Variants in NSD1 observed in about 807,000 individuals in gnomAD.
The protein encoded by NSD1 is histone-lysine N-methyltransferase, H3 lysine-36 specific.
A neutral mutation model predicts 242.7 loss-of-function variants in NSD1; 26 were observed. That is an observed-to-expected ratio of 0.11 (90% CI 0.08 to 0.15). The LOEUF is 0.15. Ranked by LOEUF, NSD1 falls within the 10% of genes least tolerant of loss-of-function variation. The pLI is 1.00. For missense variants in NSD1, 2,495 were observed against 3,272.8 expected (o/e 0.76, Z 5.80); for synonymous variants, 1,106 against 1,178.1 (o/e 0.94, Z 1.25).
Position 177,184,715 on chromosome 5 carries a change from G to A in NSD1, c.928-7169G>A, listed in dbSNP as rs116497379. On this transcript the variant is annotated intron_variant, in intron 2 of 22. Coordinates refer to ENST00000439151, the MANE Select transcript of NSD1 (RefSeq NM_022455.5). ...GCCTGGTGTGGGTGTGTGTGGGTGT[G>A]TGTGTGCACGCAAGGATGGGATCTC... Among the ~76,000 whole-genome samples, 641 of 152,194 alleles carry A rather than the reference G, an allele frequency of 4.2e-3. 3 individuals carry two copies. The highest frequency in any genetic ancestry group is 0.014 in the African/African-American group (585 of 41,508).
intron 17 of NSD1, among the ~76,000 whole-genome samples, chr5:177,274,075 AC>A (rs1758158460): frequency 6.6e-6 from 1 of 151,716 alleles, no homozygotes; most frequent in Non-Finnish European, 1.5e-5. Context: ...AATTGCTTGA[AC>A]CCGGGAGGCA....
chr5:177,285,294 T>C (rs1270189468), intron 20 of NSD1, among the ~76,000 whole-genome samples: 7 of 152,152 alleles, frequency 4.6e-5, no homozygotes, highest in Admixed American at 4.6e-4. Flanking sequence ...CTGGGCGCGA[T>C]GGTTCACGCC....
At chr5:177,163,659 A>T (rs1009096670) in intron 2 of NSD1, among the ~76,000 whole-genome samples, 1 of 152,158 alleles carries the variant, frequency 6.6e-6, no homozygotes, top group African/African-American at 2.4e-5. Flanking sequence ...TAATTCTCTT[A>T]GTTAATATAT....
chr5:177,270,474 A>G (rs1179255980), intron 16 of NSD1, among the ~76,000 whole-genome samples: 6 of 152,188 alleles, frequency 3.9e-5, no homozygotes, highest in Admixed American at 3.9e-4. Flanking sequence ...CTTAGTGGTA[A>G]TTACCTTCTT....
rs755534784 is a variant in NSD1 at position 177,178,994 on chromosome 5, GTT to G, written c.928-12889_928-12888del. On this transcript the variant is annotated intron_variant, in intron 2 of 22. Transcript: ENST00000439151. ...CCCAAGAGATGTTTCTTTGAGCTGA[GTT>G]ATGAAGTATAAGTAGCTATTAGCCA... Among the ~76,000 whole-genome samples the G allele has an allele frequency of 2.6e-5, 4 of 152,258 alleles. No individual in the cohort carries two copies. In the East Asian group the frequency reaches 7.7e-4, roughly 29 times the overall value.
chr5:177,228,569 C>T (rs1764814231), intron 5 of NSD1, among the ~76,000 whole-genome samples: 1 of 150,570 alleles, frequency 6.6e-6, no homozygotes, highest in African/African-American at 2.4e-5. Context: ...GGGTTTTTGC[C>T]TTTTTTTTTG....
intron 2 of NSD1, among the ~76,000 whole-genome samples, chr5:177,175,318 C>T (rs149127249): frequency 6.6e-6 from 1 of 152,078 alleles, no homozygotes; most frequent in Non-Finnish European, 1.5e-5. Flanking sequence ...AATTTGAATG[C>T]GTATATGTTA....
chr5:177,132,693 C>T (rs1192454140), upstream of NSD1, among the ~76,000 whole-genome samples: 1 of 152,034 alleles, frequency 6.6e-6, no homozygotes, highest in East Asian at 1.9e-4. This position sits in a 1 kb window ranked among gnomAD's most constrained non-coding sequence, Gnocchi z 7.5. Flanking sequence ...GGTCGCCTGG[C>T]TTCGTTCCCC....
chr5:177,212,644 T>C (rs976905347), intron 5 of NSD1, among the ~76,000 whole-genome samples: 52 of 152,156 alleles, frequency 3.4e-4, no homozygotes, highest in African/African-American at 1.3e-3. Flanking sequence ...TTTCTTACCT[T>C]TTAAAATCCC....
intron 2 of NSD1, among the ~76,000 whole-genome samples, chr5:177,154,871 T>G (rs1757995106): frequency 6.6e-6 from 1 of 151,734 alleles, no homozygotes; most frequent in Admixed American, 6.6e-5. Context: ...AATTTTTGTA[T>G]TTTTAGTAGC....
chr5:177,191,259 T>A (rs1761675840), intron 2 of NSD1, among the ~76,000 whole-genome samples: 1 of 152,146 alleles, frequency 6.6e-6, no homozygotes, highest in Non-Finnish European at 1.5e-5. Flanking sequence ...CATGAGCCAC[T>A]GTGCCCAGCC....
At chr5:177,266,246 ATCTCC>A (rs1562276699) in intron 14 of NSD1, 1 of 790,078 alleles carries the variant, frequency 1.3e-6, no homozygotes, top group African/African-American at 1.7e-5. Context: ...CGGGAGCTCT[ATCTCC>A]TCCACCTTCC....
rs1760065105 is a variant in NSD1 at position 177,293,944 on chromosome 5, C to T, written c.6576C>T (p.Phe2192=). The change falls in exon 23 of 23, where the codon TTC becomes TTT. Residue 2192 remains phenylalanine (F), a synonymous_variant. Transcript: ENST00000439151. ...AGCAGCATCGAGAAGGGATGCTTTT[C>T]ATTTCCAAACTGGATGGGCGTCTGT... ...FCKQHREGML[F]ISKLDGRLSC... is the part of the protein sequence containing the mutation. 1 of 1,614,142 alleles carries T rather than the reference C, an allele frequency of 6.2e-7. No homozygotes were observed. Among genetic ancestry groups the T allele is most frequent in the Non-Finnish European group, 8.5e-7 (1 of 1,180,018 alleles).
At chr5:177,229,648 G>A in intron 5 of NSD1, 1 of 261,308 alleles carries the variant, frequency 3.8e-6, no homozygotes, top group Non-Finnish European at 7.7e-6. Context: ...ACTGAAAAGT[G>A]CTGTAACTGG....
rs1760309350 is a variant in NSD1, at chr5:177,297,196, C to T, written c.*1737C>T. The T allele has an allele frequency of 4.3e-6, 1 of 232,410 alleles. No individual in the cohort carries two copies. Among genetic ancestry groups the T allele is most frequent in the South Asian group, 1.8e-4 (1 of 5,518 alleles). 14.4% of individuals were successfully genotyped at this position (232,410 alleles called of 1,614,324 possible). On this transcript the variant is annotated 3_prime_UTR_variant, in exon 23 of 23. Coordinates refer to ENST00000439151, the MANE Select transcript of NSD1 (RefSeq NM_022455.5). ...GGCAGGGCTGTCCTGAGTTTAGGGG[C>T]CTATCCCTGCATTTCACTGAGACCT...
chr5:177,267,742 T>C (rs368577203), intron 15 of NSD1, 24 bp downstream of exon 15: 112 of 1,610,754 alleles, frequency 7.0e-5, no homozygotes, highest in Non-Finnish European at 9.2e-5. Flanking sequence ...ATAGCACTCA[T>C]CTCTTTTACC....
At chr5:177,226,072 G>A (rs1391495855) in intron 5 of NSD1, among the ~76,000 whole-genome samples, 2 of 151,912 alleles carry the variant, frequency 1.3e-5, no homozygotes, top group African/African-American at 4.8e-5. Flanking sequence ...TTTGAGACAG[G>A]GTCTCACTTT....
intron 4 of NSD1, among the ~76,000 whole-genome samples, chr5:177,209,229 A>T (rs1274145435): frequency 6.6e-6 from 1 of 151,916 alleles, no homozygotes; most frequent in Non-Finnish European, 1.5e-5. Context: ...ACAGGTTTGT[A>T]AAAGCTTCTG....
At chr5:177,206,566 C>A (rs563736850) in intron 4 of NSD1, among the ~76,000 whole-genome samples, 1 of 152,306 alleles carries the variant, frequency 6.6e-6, no homozygotes, top group South Asian at 2.1e-4. Flanking sequence ...CAATAACTTA[C>A]ACCCTATAGA....
Sources: allele counts gnomAD v4.1 joint callset (sites outside exome capture counted in the v4.1 genomes callset), GRCh38; gene constraint gnomAD v4.1.1; non-coding constraint Gnocchi (gnomAD v3.1); transcripts MANE v1.5; gene names NCBI Gene and HGNC (gene_info 2026-07-23, HGNC 2026-07-21).